The following CFAP57 variants were observed in gnomAD, a reference collection of about 807,000 sequenced individuals.
CFAP57 encodes the protein cilia- and flagella-associated protein 57.
A neutral mutation model predicts 146.8 loss-of-function variants in CFAP57; 116 were observed. That is an observed-to-expected ratio of 0.79 (90% confidence interval 0.68 to 0.92). The LOEUF is 0.92. CFAP57 is among the 40% of genes least tolerant of loss of function. CFAP57 has a pLI of 0.00. For synonymous variants in CFAP57, 518 were observed against 552.8 expected (o/e 0.94, Z 0.88); for missense variants, 1,377 against 1,527.2 (o/e 0.90, Z 1.64).
At chr1:43,211,360 G>C (rs1367256988) in intron 11 of CFAP57, 1 of 152,244 alleles carries the variant, frequency 6.6e-6, no homozygotes, top group East Asian at 1.9e-4. Flanking sequence ...CAGATCATGA[G>C]GTCAGGAGAT....
chr1:43,194,089 TGGAG>T (rs1643714164), intron 6 of CFAP57, among the ~76,000 whole-genome samples: 1 of 152,138 alleles, frequency 6.6e-6, no homozygotes, highest in Non-Finnish European at 1.5e-5. Flanking sequence ...AATTACTATC[TGGAG>T]TAACTTGCTT....
chr1:43,234,861 G>A (rs571570099), intron 21 of CFAP57, among the ~76,000 whole-genome samples: 2 of 152,012 alleles, frequency 1.3e-5, no homozygotes, highest in Admixed American at 6.6e-5. Flanking sequence ...CTTCCATGCT[G>A]CACCCTGGCC....
At position 43,234,558 on chromosome 1, in the gene CFAP57, G is replaced by C; in HGVS notation, c.3325G>C (p.Glu1109Gln). 2.6e-6 allele frequency: 4 copies of C among 1,550,496 alleles called. 1 individual carries two copies. In the South Asian group the frequency reaches 4.8e-5, roughly 18 times the overall value. Residue 1109 changes from glutamate to glutamine, a missense_variant, in exon 21 of 23, where the codon GAG becomes CAG. By Grantham distance (29) the Glu-to-Gln change is conservative. Coordinates refer to ENST00000372492, the MANE Select transcript of CFAP57 (RefSeq NM_001378189.1). ...QEYTRQREHL[E>Q]RNLATLKKKV... is the part of the protein sequence containing the mutation. ...GTACACCCGGCAGCGGGAGCACCTG[G>C]AGAGGAACCTGGCCACTCTCAAGAA... is the stretch of plus-strand genomic sequence containing the variant.
intron 3 of CFAP57, among the ~76,000 whole-genome samples, chr1:43,182,866 T>A (rs1173486859): frequency 1.3e-5 from 2 of 152,242 alleles, no homozygotes; most frequent in Non-Finnish European, 2.9e-5. Context: ...GACTGCCTAT[T>A]ACTGTACAGG....
intron 22 of CFAP57, among the ~76,000 whole-genome samples, chr1:43,247,968 A>T (rs569438563): frequency 2.6e-5 from 4 of 151,978 alleles, no homozygotes; most frequent in African/African-American, 4.8e-5. Flanking sequence ...TACTAAAAAT[A>T]CAAAAAATTA....
rs924561849 is a variant in CFAP57, at chr1:43,243,500, C to G, written c.3538+141C>G. On this transcript the variant is annotated intron_variant, in intron 22 of 22. Coordinates refer to ENST00000372492, the MANE Select transcript of CFAP57 (RefSeq NM_001378189.1). Reference sequence around the variant, plus strand: ...CTGGGATCCTGTCCGGGGCACACACCTGCTCTTTGAGGAATCCATGAGGGC... The same window carrying G: ...CTGGGATCCTGTCCGGGGCACACACGTGCTCTTTGAGGAATCCATGAGGGC... 12 of 897,178 alleles carry G rather than the reference C, an allele frequency of 1.3e-5. No homozygotes were observed. In the Admixed American group the frequency reaches 3.9e-4, roughly 29 times the overall value. 55.6% of individuals were successfully genotyped at this position (897,178 alleles called of 1,614,324 possible).
intron 9 of CFAP57, among the ~76,000 whole-genome samples, chr1:43,204,388 G>A (rs1228365456): frequency 2.7e-5 from 4 of 148,868 alleles, no homozygotes; most frequent in Non-Finnish European, 4.4e-5. Flanking sequence ...TTTCTTATTG[G>A]TTACACTCTT....
chr1:43,226,906 G>GTGCT, intron 17 of CFAP57, 77 bp from the exon 18 acceptor site: 3 of 1,399,718 alleles, frequency 2.1e-6, no homozygotes, highest in Non-Finnish European at 2.8e-6. Context: ...CACAGGCTTC[G>GTGCT]TGCTCTTTTG....
chr1:43,177,254 G>A (rs1439579679), intron 2 of CFAP57: 1 of 455,664 alleles, frequency 2.2e-6, no homozygotes, highest in East Asian at 6.9e-5. Context: ...GCAGGCGACA[G>A]GGTGGTGTGA....
At chr1:43,191,586 CAAAAAAA>C (rs10672819) in intron 6 of CFAP57, among the ~76,000 whole-genome samples, 5 of 65,038 alleles carry the variant, frequency 7.7e-5, no homozygotes, top group Admixed American at 1.8e-4. Context: ...GACTCCGTCT[CAAAAAAA>C]AAAAAAAAAA....
At chr1:43,203,000 C>T (rs901912208) in intron 9 of CFAP57, among the ~76,000 whole-genome samples, 6 of 151,696 alleles carry the variant, frequency 4.0e-5, no homozygotes, top group Non-Finnish European at 8.8e-5. Context: ...GGTGAAACTC[C>T]GTCTCTACTA....
At position 43,219,232 on chromosome 1, in the gene CFAP57, C is replaced by T. The variant is rs995871635; in HGVS notation, c.2092-150C>T. 6.2e-6 allele frequency: 5 copies of T among 811,276 alleles called. No individual in the cohort carries two copies. In the South Asian group the frequency reaches 1.0e-4, roughly 17 times the overall value. 50.3% of individuals were successfully genotyped at this position (811,276 alleles called of 1,614,324 possible). ...TGTCTCCTCATTTTTAGCTGATGTG[C>T]CTTCTGGGGAAAAGATGACAAGTTC... is the stretch of plus-strand genomic sequence containing the variant. On this transcript the variant is annotated intron_variant, in intron 12 of 22. Transcript: ENST00000372492.
chr1:43,180,576 A>G (rs1645363429), intron 2 of CFAP57, among the ~76,000 whole-genome samples: 1 of 152,078 alleles, frequency 6.6e-6, no homozygotes, highest in South Asian at 2.1e-4. Context: ...AGATGCAGCA[A>G]GTTGCTCAGC....
intron 21 of CFAP57, among the ~76,000 whole-genome samples, chr1:43,235,974 T>G (rs930225354): frequency 6.6e-6 from 1 of 152,164 alleles, no homozygotes; most frequent in African/African-American, 2.4e-5. Flanking sequence ...CCAGAGGGTG[T>G]GAGCGTCAGC....
intron 11 of CFAP57, among the ~76,000 whole-genome samples, chr1:43,212,984 T>C (rs1207261759): frequency 1.3e-5 from 2 of 151,926 alleles, no homozygotes. Context: ...TGATTTCTTC[T>C]ATCTAATGTT....
chr1:43,227,183 AT>A, intron 18 of CFAP57, 57 bp downstream of exon 18: 1 of 1,448,808 alleles, frequency 6.9e-7, no homozygotes. Flanking sequence ...TTCTTCCACA[AT>A]TGGCTAGCTG....
chr1:43,244,050 A>C (rs1646025017), intron 22 of CFAP57, among the ~76,000 whole-genome samples: 1 of 152,244 alleles, frequency 6.6e-6, no homozygotes, highest in African/African-American at 2.4e-5. Flanking sequence ...GAAACTTACC[A>C]CATGGATCCT....
chr1:43,204,490 C>T (rs1163929657), intron 9 of CFAP57, among the ~76,000 whole-genome samples: 2 of 152,094 alleles, frequency 1.3e-5, no homozygotes, highest in Non-Finnish European at 2.9e-5. Context: ...ATGTGTCCCC[C>T]CAGGGCATTG....
Position 43,185,363 on chromosome 1 carries a change from C to T in CFAP57, c.969+7C>T, listed in dbSNP as rs201976496. On this transcript the variant is annotated splice_region_variant and intron_variant, in intron 5 of 22. Coordinates refer to ENST00000372492, the MANE Select transcript of CFAP57 (RefSeq NM_001378189.1). ...TGAGAGCAGAGAAATCAGGGTAAGG[C>T]GGGAAGAAAAAAAAGAAGTAAAATG... 7.4e-6 allele frequency: 12 copies of T among 1,612,624 alleles called. No individual in the cohort carries two copies. In the African/African-American group the frequency reaches 8.0e-5, roughly 11 times the overall value.
Sources: gnomAD v4.1 joint callset for allele counts (sites outside exome capture counted in the v4.1 genomes callset) on GRCh38, gnomAD v4.1.1 for gene constraint, MANE v1.5 for transcripts, NCBI Gene and HGNC (gene_info 2026-07-23, HGNC 2026-07-21) for gene names.